Variants in NUP62CL observed in about 807,000 individuals in gnomAD.
The protein encoded by NUP62CL is nucleoporin-62 C-terminal-like protein.
Under a neutral mutation model 15.3 loss-of-function variants are expected in NUP62CL, and 13 were observed. That is an observed-to-expected ratio of 0.85 (90% CI 0.55 to 1.35). The LOEUF (loss-of-function observed/expected upper bound fraction) is 1.35. Ranked by LOEUF, NUP62CL falls within the 40% of genes most tolerant of loss-of-function variation. The probability of loss-of-function intolerance (pLI) is 0.00; values close to 1 mark genes in which losing one functional copy is unlikely to be tolerated. For synonymous variants in NUP62CL, 54 were observed against 49.2 expected (o/e 1.10, Z -0.41); for missense variants, 123 against 130.6 (o/e 0.94, Z 0.28).
chrX:107,148,771 T>C (rs1204682941), intron 7 of NUP62CL, among the ~76,000 whole-genome samples: 1 of 111,077 alleles, frequency 9.0e-6, no homozygotes, highest in African/African-American at 3.3e-5. Flanking sequence ...TAGGTGGTCT[T>C]TCCCATTGCC....
At chrX:107,139,137 G>A (rs1466068580) in intron 8 of NUP62CL, among the ~76,000 whole-genome samples, 2 of 111,315 alleles carry the variant, frequency 1.8e-5, no homozygotes, top group African/African-American at 6.5e-5. Context: ...GGTTGCCAAG[G>A]AGTTAATTAG....
At chrX:107,182,680 T>C (rs1160424709) in intron 2 of NUP62CL, among the ~76,000 whole-genome samples, 1 of 110,767 alleles carries the variant, frequency 9.0e-6, no homozygotes, top group African/African-American at 3.3e-5. Context: ...AGTCAAACAA[T>C]AATTTGGTGT....
intron 5 of NUP62CL, 94 bp downstream of exon 5, chrX:107,154,002 C>T (rs1926112679): frequency 1.1e-6 from 1 of 883,987 alleles, no homozygotes; most frequent in East Asian, 3.3e-5. Context: ...AAAACAACAA[C>T]AACAAAGAAA....
intron 4 of NUP62CL, among the ~76,000 whole-genome samples, chrX:107,161,845 C>G (rs1019030666): frequency 2.4e-5 from 2 of 84,238 alleles, no homozygotes; most frequent in Non-Finnish European, 4.9e-5. Context: ...AAAAAATTAC[C>G]TATCATATCA....
intron 2 of NUP62CL, among the ~76,000 whole-genome samples, chrX:107,187,611 T>C (rs1203393882): frequency 8.9e-6 from 1 of 112,305 alleles, no homozygotes; most frequent in Non-Finnish European, 1.9e-5. Context: ...TTGGCCAGGC[T>C]GGTCTTGAAC....
intron 4 of NUP62CL, among the ~76,000 whole-genome samples, chrX:107,162,339 C>A (rs1431797989): frequency 9.0e-6 from 1 of 111,045 alleles, no homozygotes; most frequent in Admixed American, 9.6e-5. Flanking sequence ...ATTGAAAACT[C>A]TCAAAGTTTG....
intron 3 of NUP62CL, among the ~76,000 whole-genome samples, chrX:107,170,747 C>A (rs1926632304): frequency 8.9e-6 from 1 of 111,840 alleles, no homozygotes; most frequent in Admixed American, 9.5e-5. Flanking sequence ...TTTTTGTTAT[C>A]TTTCATGCTA....
intron 8 of NUP62CL, chrX:107,131,641 C>T (rs979243748): frequency 3.6e-6 from 2 of 550,919 alleles, no homozygotes; most frequent in African/African-American, 2.2e-5. Flanking sequence ...GGACCAAGGC[C>T]GCGGCCGACT....
chrX:107,195,174 G>A (rs1007602272), intron 1 of NUP62CL, among the ~76,000 whole-genome samples: 20 of 111,293 alleles, frequency 1.8e-4, no homozygotes, highest in African/African-American at 6.5e-4. Flanking sequence ...TGTTAAAGCA[G>A]CATTTTAAAA....
chrX:107,184,844 A>T (rs1196340468), intron 2 of NUP62CL, among the ~76,000 whole-genome samples: 2 of 111,577 alleles, frequency 1.8e-5, no homozygotes, highest in Admixed American at 1.9e-4. Context: ...AAGCAGTAAG[A>T]GAAAAATAGC....
chrX:107,140,265 T>C (rs1925736326), intron 8 of NUP62CL, among the ~76,000 whole-genome samples: 1 of 112,136 alleles, frequency 8.9e-6, no homozygotes, highest in Non-Finnish European at 1.9e-5. Flanking sequence ...TTATTACTTA[T>C]TCAAGTCTCA....
chrX:107,200,632 AG>A (rs1227350905), intron 1 of NUP62CL, among the ~76,000 whole-genome samples: 3 of 103,899 alleles, frequency 2.9e-5, no homozygotes, highest in African/African-American at 1.1e-4. Context: ...AAAAAAAAAA[AG>A]AGAGAGAGAG....
intron 2 of NUP62CL, among the ~76,000 whole-genome samples, chrX:107,183,151 C>T (rs1301196571): frequency 1.8e-5 from 2 of 111,885 alleles, no homozygotes; most frequent in Non-Finnish European, 3.8e-5. Context: ...TGTGATTGTG[C>T]CACTGTACTC....
Position 107,168,419 on chromosome X carries a change from T to C in NUP62CL, c.59-635A>G, listed in dbSNP as rs570920973. On this transcript the variant is annotated intron_variant, in intron 3 of 8. Transcript: ENST00000372466. ...AGCTTTATCTACAGCCCAGACTCTC[T>C]CCTATATGTCTTTTTCTGTTACACC... Among the ~76,000 whole-genome samples the C allele has an allele frequency of 3.6e-5, 4 of 111,925 alleles. No individual in the cohort carries two copies. In the South Asian group the frequency reaches 1.5e-3, roughly 42 times the overall value.
chrX:107,132,973 G>A (rs1288247095), intron 8 of NUP62CL, among the ~76,000 whole-genome samples: 10 of 111,857 alleles, frequency 8.9e-5, no homozygotes. Flanking sequence ...CAAAGTGCTG[G>A]CAGGAATGCA....
chrX:107,189,090 C>T (rs971192494), intron 2 of NUP62CL, among the ~76,000 whole-genome samples: 13 of 111,425 alleles, frequency 1.2e-4, no homozygotes, highest in African/African-American at 4.2e-4. Context: ...ATCAGAGAAA[C>T]TGTAAATTAA....
chrX:107,131,008 G>A (rs1024637828), intron 8 of NUP62CL, among the ~76,000 whole-genome samples: 2 of 110,855 alleles, frequency 1.8e-5, no homozygotes, highest in Non-Finnish European at 3.8e-5. Context: ...AGTAGAGAAG[G>A]CCTAATACGG....
chrX:107,161,913 G>T (rs1926394747), intron 4 of NUP62CL, among the ~76,000 whole-genome samples: 2 of 102,981 alleles, frequency 1.9e-5, no homozygotes, highest in Non-Finnish European at 2.0e-5. Context: ...ACACTGAGAG[G>T]TATCAGATGT....
At chrX:107,152,056 A>T (rs1476035385) in intron 7 of NUP62CL, among the ~76,000 whole-genome samples, 3 of 69,078 alleles carry the variant, frequency 4.3e-5, no homozygotes, top group Non-Finnish European at 7.2e-5. Flanking sequence ...TCAGATATAT[A>T]TATATATATA....
Sources: allele counts gnomAD v4.1 joint callset (sites outside exome capture counted in the v4.1 genomes callset), GRCh38; gene constraint gnomAD v4.1.1; transcripts MANE v1.5; gene names NCBI Gene and HGNC (gene_info 2026-07-23, HGNC 2026-07-21).